The following DPP10 variants were observed in gnomAD, a reference collection of about 807,000 sequenced individuals.
The protein encoded by DPP10 is inactive dipeptidyl peptidase 10.
A neutral mutation model predicts 120.9 loss-of-function variants in DPP10; 33 were observed. That is an observed-to-expected ratio of 0.27 (90% confidence interval 0.21 to 0.37). The LOEUF is 0.37. Ranked by LOEUF, DPP10 falls within the 10% of genes least tolerant of loss-of-function variation. The pLI is 1.00. For missense variants in DPP10, 816 were observed against 942.8 expected (o/e 0.87, Z 1.76); for synonymous variants, 337 against 326.1 (o/e 1.03, Z -0.36).
At chr2:115,606,907 G>GAAAA (rs1200154570) in intron 5 of DPP10, among the ~76,000 whole-genome samples, 2 of 152,150 alleles carry the variant, frequency 1.3e-5, no homozygotes, top group Non-Finnish European at 2.9e-5. Flanking sequence ...GGAAAGAAAA[G>GAAAA]AATGCGAGCT....
chr2:115,181,865 C>A lies in DPP10; in HGVS notation c.61-127374C>A, dbSNP rs373687120. Among the ~76,000 whole-genome samples the A allele has an allele frequency of 1.5e-4, 23 of 152,168 alleles. No individual in the cohort carries two copies. In the East Asian group the frequency reaches 4.3e-3, roughly 28 times the overall value. On this transcript the variant is annotated intron_variant, in intron 1 of 25. Transcript: ENST00000410059. ...TAGAAGCATGTGGATGATTTAAGAA[C>A]GTTTGAATGTTAAAAATATTATAAG...
In DPP10 at chr2:115,614,410, A is replaced by G. The variant is rs578208589; in HGVS notation, c.442-75277A>G. Among the ~76,000 whole-genome samples, 18 of 152,050 alleles carry G rather than the reference A, an allele frequency of 1.2e-4. No homozygotes were observed. The East Asian group carries it at 3.5e-3, about 29-fold the overall frequency. ...CATTTTCTCTGAGCACCACAGTTTT[A>G]TAGGGGAAGGAATTTTTTTTGTTTT... On this transcript the variant is annotated intron_variant, in intron 5 of 25. Transcript: ENST00000410059.
At chr2:115,092,862 T>G (rs780331742) in intron 1 of DPP10, among the ~76,000 whole-genome samples, 6 of 152,194 alleles carry the variant, frequency 3.9e-5, no homozygotes, top group Non-Finnish European at 7.4e-5. Context: ...TCGTTGCTGA[T>G]AAAAATAGTT....
At chr2:115,317,996 T>G (rs754878191) in intron 2 of DPP10, among the ~76,000 whole-genome samples, 1 of 152,152 alleles carries the variant, frequency 6.6e-6, no homozygotes, top group Non-Finnish European at 1.5e-5. Context: ...GCTTCTGATG[T>G]CTTATTTAAG....
chr2:114,932,174 A>G (rs960427368), intron 1 of DPP10, among the ~76,000 whole-genome samples: 5 of 152,240 alleles, frequency 3.3e-5, no homozygotes, highest in Non-Finnish European at 5.9e-5. Context: ...CTATGGCTAT[A>G]GAGCCAGGCA....
chr2:115,364,989 G>A (rs1313434959), intron 3 of DPP10, among the ~76,000 whole-genome samples: 1 of 152,094 alleles, frequency 6.6e-6, no homozygotes, highest in African/African-American at 2.4e-5. Flanking sequence ...GAACCAAAGT[G>A]TTATGACTAA....
At chr2:115,299,527 A>C (rs2105968061) in intron 1 of DPP10, among the ~76,000 whole-genome samples, 1 of 152,190 alleles carries the variant, frequency 6.6e-6, no homozygotes, top group Non-Finnish European at 1.5e-5. Context: ...GCTCAACCCT[A>C]ATTGTCCTTC....
chr2:115,527,831 G>C (rs1017528059), intron 5 of DPP10, among the ~76,000 whole-genome samples: 4 of 152,056 alleles, frequency 2.6e-5, no homozygotes, highest in Non-Finnish European at 5.9e-5. Context: ...GAATCTATCA[G>C]AATGGTTAAT....
At chr2:115,376,121 C>T (rs549375852) in intron 3 of DPP10, among the ~76,000 whole-genome samples, 34 of 152,084 alleles carry the variant, frequency 2.2e-4, no homozygotes, top group Middle Eastern at 3.4e-3. Context: ...TAGATGGAGG[C>T]AGCAAGGTAT....
chr2:114,632,068 C>T (rs907264366), intron 1 of DPP10, among the ~76,000 whole-genome samples: 4 of 152,090 alleles, frequency 2.6e-5, no homozygotes, highest in Admixed American at 2.6e-4. Context: ...TCTTCTATCC[C>T]TTATATTTTC....
At chr2:114,619,643 G>A (rs532192506) in intron 1 of DPP10, among the ~76,000 whole-genome samples, 197 of 152,014 alleles carry the variant, frequency 1.3e-3, no homozygotes, top group Non-Finnish European at 2.7e-3. Flanking sequence ...ATTAAAATAA[G>A]CATTGATGGC....
At chr2:114,599,797 A>T (rs542160749) in intron 1 of DPP10, among the ~76,000 whole-genome samples, 10 of 151,806 alleles carry the variant, frequency 6.6e-5, no homozygotes, top group Middle Eastern at 3.4e-3. Context: ...CTTTATAGTC[A>T]GCTTTTATGT....
rs761612055 is a variant in DPP10, at chr2:115,274,192, T to C, written c.61-35047T>C. Among the ~76,000 whole-genome samples, 147 of 152,192 alleles carry C rather than the reference T, an allele frequency of 9.7e-4. 1 individual carries two copies. The highest frequency in any genetic ancestry group is 4.6e-4 in the Non-Finnish European group (31 of 68,036). On this transcript the variant is annotated intron_variant, in intron 1 of 25. Transcript: ENST00000410059. The stretch of plus-strand genomic sequence containing the variant: ...ATTCTTGTGATAAGAATGATAATCT[T>C]ATTATATAAATGATAGAACTATACT...
chr2:115,256,270 T>A (rs1252918376), intron 1 of DPP10, among the ~76,000 whole-genome samples: 1 of 151,900 alleles, frequency 6.6e-6, no homozygotes, highest in Non-Finnish European at 1.5e-5. Context: ...CTCGTGAGAA[T>A]TCACTCACTA....
chr2:115,506,134 A>T (rs1435789921), intron 4 of DPP10, among the ~76,000 whole-genome samples: 1 of 152,116 alleles, frequency 6.6e-6, no homozygotes, highest in Non-Finnish European at 1.5e-5. Flanking sequence ...CTTTCAGAAT[A>T]CTTCAGTCTA....
At chr2:115,210,207 TC>T (rs902562356) in intron 1 of DPP10, among the ~76,000 whole-genome samples, 22 of 152,056 alleles carry the variant, frequency 1.4e-4, no homozygotes, top group Non-Finnish European at 2.6e-4. Context: ...TGTGTGGTGT[TC>T]CCCATCCTGT....
intron 8 of DPP10, among the ~76,000 whole-genome samples, chr2:115,731,887 T>G (rs1282390292): frequency 6.6e-6 from 1 of 152,162 alleles, no homozygotes; most frequent in Non-Finnish European, 1.5e-5. Context: ...ATGTTTTTGA[T>G]TTTCCCTCAC....
chr2:115,164,325 T>G (rs2104997114), intron 1 of DPP10, among the ~76,000 whole-genome samples: 1 of 152,152 alleles, frequency 6.6e-6, no homozygotes, highest in East Asian at 1.9e-4. Context: ...ACTACTAAGC[T>G]TTTATTAGCC....
At chr2:114,772,631 A>G (rs1358004958) in intron 1 of DPP10, among the ~76,000 whole-genome samples, 2 of 150,862 alleles carry the variant, frequency 1.3e-5, no homozygotes, top group Non-Finnish European at 3.0e-5. Context: ...TCCATATCTC[A>G]TGTGTGTTCC....
Sources: gnomAD v4.1 joint callset for allele counts (sites outside exome capture counted in the v4.1 genomes callset) on GRCh38, gnomAD v4.1.1 for gene constraint, MANE v1.5 for transcripts, NCBI Gene and HGNC (gene_info 2026-07-23, HGNC 2026-07-21) for gene names.